The following CSMD1 variants were observed in gnomAD, a reference collection of about 807,000 sequenced individuals.
CSMD1 encodes the protein CUB and Sushi multiple domains 1.
In CSMD1, 213 loss-of-function variants were observed where a neutral mutation model predicts 417.5. The observed-to-expected ratio is 0.51, with a 90% CI of 0.46 to 0.57. CSMD1 has a LOEUF of 0.57. Among genes scored for constraint, CSMD1 ranks in the 20% least tolerant of loss-of-function variants. CSMD1 has a pLI of 0.00. For synonymous variants in CSMD1, 2,862 were observed against 1,736.8 expected, an observed-to-expected ratio of 1.65 and a Z score of -16.11; for missense variants, 6,923 against 4,529.7, an observed-to-expected ratio of 1.53 and a Z score of -15.17.
intron 10 of CSMD1, among the ~76,000 whole-genome samples, chr8:3,566,348 C>A (rs920084604): frequency 6.6e-6 from 1 of 152,108 alleles, no homozygotes; most frequent in Non-Finnish European, 1.5e-5. Context: ...TTCCTCACAA[C>A]AAAATTTAAA....
intron 1 of CSMD1, among the ~76,000 whole-genome samples, chr8:4,671,721 T>C (rs572056857): frequency 1.9e-4 from 29 of 152,148 alleles, no homozygotes; most frequent in Non-Finnish European, 3.1e-4. Flanking sequence ...TCAGAAAGTA[T>C]TGCTTGTGTG....
At chr8:4,543,058 T>A (rs577944780) in intron 2 of CSMD1, among the ~76,000 whole-genome samples, 1 of 152,322 alleles carries the variant, frequency 6.6e-6, no homozygotes, top group African/African-American at 2.4e-5. Context: ...ATTTCATATA[T>A]ACCCCTCACA....
At chr8:4,317,470 G>T (rs552517918) in intron 3 of CSMD1, among the ~76,000 whole-genome samples, 1 of 152,276 alleles carries the variant, frequency 6.6e-6, no homozygotes, top group African/African-American at 2.4e-5. Context: ...CGCTGCCAGT[G>T]TAAGGCATGT....
chr8:4,673,972 T>C (rs112918920), intron 1 of CSMD1, among the ~76,000 whole-genome samples: 85 of 152,268 alleles, frequency 5.6e-4, no homozygotes, highest in Non-Finnish European at 9.6e-4. Context: ...TCTGTGAATA[T>C]ATTAAAAACC....
At chr8:3,142,444 G>A (rs1016212029) in intron 41 of CSMD1, 21 bp downstream of exon 41, 3 of 1,596,496 alleles carry the variant, frequency 1.9e-6, no homozygotes, top group African/African-American at 2.7e-5. Context: ...TTGGGTTTCG[G>A]TTCTCGTTGT....
At chr8:4,985,090 C>T (rs1811104097) in intron 1 of CSMD1, among the ~76,000 whole-genome samples, 1 of 152,122 alleles carries the variant, frequency 6.6e-6, no homozygotes, top group East Asian at 1.9e-4. Context: ...AGGCCATTAT[C>T]CTTATCAAAC....
At chr8:4,408,188 C>T (rs1048589131) in intron 3 of CSMD1, among the ~76,000 whole-genome samples, 1 of 152,196 alleles carries the variant, frequency 6.6e-6, no homozygotes, top group Non-Finnish European at 1.5e-5. Context: ...GTATACAAAT[C>T]AGTGTTGCAA....
chr8:3,755,735 G>A (rs1200793040), intron 5 of CSMD1, among the ~76,000 whole-genome samples: 1 of 152,070 alleles, frequency 6.6e-6, no homozygotes, highest in African/African-American at 2.4e-5. Context: ...AAATGTACAG[G>A]ATCCACTTTA....
At chr8:4,754,631 C>A (rs1184881124) in intron 1 of CSMD1, among the ~76,000 whole-genome samples, 1 of 151,496 alleles carries the variant, frequency 6.6e-6, no homozygotes, top group African/African-American at 2.4e-5. Context: ...GTGGGTGGAT[C>A]ATGAGGTCAG....
At chr8:3,042,734 G>A (rs140055023) in intron 50 of CSMD1, among the ~76,000 whole-genome samples, 84 of 152,224 alleles carry the variant, frequency 5.5e-4, no homozygotes, top group East Asian at 2.1e-3. Flanking sequence ...GATTTAACTC[G>A]TGTAAAATGA....
chr8:3,937,008 G>C (rs927252343), intron 5 of CSMD1, among the ~76,000 whole-genome samples: 1 of 152,164 alleles, frequency 6.6e-6, no homozygotes, highest in Non-Finnish European at 1.5e-5. Context: ...ACTTTGTTGG[G>C]TTAAAGGTTT....
intron 6 of CSMD1, among the ~76,000 whole-genome samples, chr8:3,753,386 G>C (rs1030278771): frequency 1.3e-5 from 2 of 152,114 alleles, no homozygotes; most frequent in African/African-American, 4.8e-5. Context: ...GAGAGAAAAA[G>C]AACATTTCAT....
chr8:2,962,764 G>C (rs1209438634), intron 60 of CSMD1, 125 bp from the exon 61 acceptor site: 7 of 1,024,060 alleles, frequency 6.8e-6, no homozygotes, highest in Non-Finnish European at 9.7e-6. Context: ...AACGCTAAAA[G>C]GAGGCCAGGC....
chr8:4,978,944 A>G (rs549175948), intron 1 of CSMD1, among the ~76,000 whole-genome samples: 3 of 152,252 alleles, frequency 2.0e-5, no homozygotes, highest in Non-Finnish European at 4.4e-5. Flanking sequence ...CAGTCAGCAC[A>G]AAGACATTAG....
At chr8:3,342,252 A>G (rs1158689422) in intron 23 of CSMD1, among the ~76,000 whole-genome samples, 1 of 152,170 alleles carries the variant, frequency 6.6e-6, no homozygotes, top group Non-Finnish European at 1.5e-5. Context: ...ATTTGAGGTG[A>G]TTAATCTTCG....
chr8:4,917,621 G>A (rs371019702), intron 1 of CSMD1, among the ~76,000 whole-genome samples: 65 of 151,974 alleles, frequency 4.3e-4, no homozygotes, highest in African/African-American at 1.1e-3. Flanking sequence ...GCGACAGAGC[G>A]AGACTCCGTC....
chr8:4,381,060 G>A (rs1803071784), intron 3 of CSMD1, among the ~76,000 whole-genome samples: 1 of 152,136 alleles, frequency 6.6e-6, no homozygotes, highest in South Asian at 2.1e-4. Flanking sequence ...AGTATTGTGG[G>A]TTATATTAGG....
intron 26 of CSMD1, among the ~76,000 whole-genome samples, chr8:3,255,463 G>C (rs546085638): frequency 6.6e-6 from 1 of 152,342 alleles, no homozygotes; most frequent in East Asian, 1.9e-4. Context: ...CCTGCCCCCA[G>C]AGGTGGAGCC....
At chr8:3,151,278 C>A (rs1819177419) in intron 40 of CSMD1, 119 bp downstream of exon 40, 3 of 645,080 alleles carry the variant, frequency 4.7e-6, no homozygotes, top group African/African-American at 1.8e-5. Flanking sequence ...AATCTGTACG[C>A]CACTTTCAAT....
Sources: allele counts gnomAD v4.1 joint callset (sites outside exome capture counted in the v4.1 genomes callset), GRCh38; gene constraint gnomAD v4.1.1; transcripts MANE v1.5; gene names NCBI Gene and HGNC (gene_info 2026-07-23, HGNC 2026-07-21).